The following DACH1 variants were observed in gnomAD, a reference collection of about 807,000 sequenced individuals.
DACH1 encodes the protein dachshund homolog 1.
In DACH1, 12 loss-of-function variants were observed where a neutral mutation model predicts 54.2. The observed-to-expected ratio is 0.22, with a 90% CI of 0.14 to 0.36. The LOEUF (loss-of-function observed/expected upper bound fraction) is 0.36. DACH1 is among the 10% of genes least tolerant of loss of function. DACH1 has a pLI of 1.00. For synonymous variants in DACH1, 386 were observed against 366.2 expected (o/e 1.05, Z -0.62); for missense variants, 805 against 929.8 (o/e 0.87, Z 1.75).
At chr13:71,687,612 A>C (rs1199569112) in intron 1 of DACH1, among the ~76,000 whole-genome samples, 1 of 152,110 alleles carries the variant, frequency 6.6e-6, no homozygotes, top group Non-Finnish European at 1.5e-5. Flanking sequence ...CATAAAAACA[A>C]ATTTTTGTTT....
chr13:71,753,288 C>A (rs1318479052), intron 1 of DACH1, among the ~76,000 whole-genome samples: 1 of 152,084 alleles, frequency 6.6e-6, no homozygotes, highest in East Asian at 1.9e-4. Context: ...AGATCAATAT[C>A]TCGCTGCAAT....
intron 1 of DACH1, among the ~76,000 whole-genome samples, chr13:71,785,168 G>T (rs1039234883): frequency 6.6e-6 from 1 of 152,078 alleles, no homozygotes; most frequent in Non-Finnish European, 1.5e-5. Context: ...AATTCGCCAG[G>T]TTAAACATAT....
At chr13:71,820,208 AG>A (rs1410188272) in intron 1 of DACH1, among the ~76,000 whole-genome samples, 1 of 151,770 alleles carries the variant, frequency 6.6e-6, no homozygotes, top group African/African-American at 2.4e-5. Flanking sequence ...CAGACAGTCC[AG>A]TGCATCTACT....
chr13:71,573,375 T>G (rs1355903022), intron 3 of DACH1: 2 of 710,018 alleles, frequency 2.8e-6, no homozygotes, highest in Non-Finnish European at 5.2e-6. Flanking sequence ...AAATACAATT[T>G]AAAAAAAACT....
At chr13:71,798,327 T>C (rs112505761) in intron 1 of DACH1, among the ~76,000 whole-genome samples, 113 of 29,604 alleles carry the variant, frequency 3.8e-3, no homozygotes, top group African/African-American at 0.012. Context: ...TACATACATA[T>C]ATATATATAT....
intron 6 of DACH1, among the ~76,000 whole-genome samples, chr13:71,493,784 A>G (rs1222921684): frequency 6.6e-6 from 1 of 152,084 alleles, no homozygotes; most frequent in African/African-American, 2.4e-5. Flanking sequence ...CTTCTCACCT[A>G]TTATGATGAA....
At chr13:71,586,906 C>T (rs1322911004) in intron 3 of DACH1, among the ~76,000 whole-genome samples, 1 of 151,974 alleles carries the variant, frequency 6.6e-6, no homozygotes, top group Non-Finnish European at 1.5e-5. Context: ...ATATCACTTA[C>T]TTTAATGATT....
At chr13:71,522,884 T>C (rs1441954457) in intron 6 of DACH1, among the ~76,000 whole-genome samples, 2 of 152,112 alleles carry the variant, frequency 1.3e-5, no homozygotes, top group African/African-American at 4.8e-5. Flanking sequence ...GAAAAGTTAA[T>C]TGTTAAACTT....
At chr13:71,635,967 A>C (rs969543445) in intron 2 of DACH1, among the ~76,000 whole-genome samples, 5 of 152,074 alleles carry the variant, frequency 3.3e-5, no homozygotes, top group African/African-American at 1.2e-4. Flanking sequence ...TATTTTTAGT[A>C]GAGATGGGGT....
In DACH1 at chr13:71,847,206, T is replaced by G. The variant is rs147372794; in HGVS notation, c.848+18716A>C. Among the ~76,000 whole-genome samples the G allele has an allele frequency of 4.6e-5, 7 of 152,308 alleles. No individual in the cohort carries two copies. In the East Asian group the frequency reaches 1.3e-3, roughly 29 times the overall value. ...TTGTAATATACCTAAGAACTAGTGT[T>G]ACATATATTTTCATTTGTTTGTTTT... On this transcript the variant is annotated intron_variant, in intron 1 of 10. Coordinates refer to ENST00000613252, the MANE Select transcript of DACH1 (RefSeq NM_080759.6).
At chr13:71,812,206 A>G (rs1163394809) in intron 1 of DACH1, among the ~76,000 whole-genome samples, 1 of 152,190 alleles carries the variant, frequency 6.6e-6, no homozygotes, top group East Asian at 1.9e-4. Flanking sequence ...ATTTTAATAA[A>G]AAAAGTTTCC....
chr13:71,810,071 T>A (rs1340440086), intron 1 of DACH1, among the ~76,000 whole-genome samples: 4 of 152,174 alleles, frequency 2.6e-5, no homozygotes, highest in Admixed American at 2.6e-4. Context: ...AGAAAGCTGA[T>A]TTTGAAGACC....
intron 1 of DACH1, among the ~76,000 whole-genome samples, chr13:71,722,910 C>T (rs1323566368): frequency 6.6e-6 from 1 of 152,048 alleles, no homozygotes; most frequent in Non-Finnish European, 1.5e-5. Flanking sequence ...CCTCCTCCCT[C>T]AATGCTTAGG....
At chr13:71,807,296 T>C (rs561829698) in intron 1 of DACH1, among the ~76,000 whole-genome samples, 1 of 152,160 alleles carries the variant, frequency 6.6e-6, no homozygotes, top group South Asian at 2.1e-4. Flanking sequence ...AATATATTTA[T>C]AGTTCAGTAC....
chr13:71,493,751 T>C (rs1468784933), intron 6 of DACH1, among the ~76,000 whole-genome samples: 1 of 152,030 alleles, frequency 6.6e-6, no homozygotes, highest in Non-Finnish European at 1.5e-5. Context: ...TTATAAAAAT[T>C]TATAAAAAAT....
intron 3 of DACH1, among the ~76,000 whole-genome samples, chr13:71,602,739 T>G (rs1271346823): frequency 2.6e-5 from 4 of 152,018 alleles, no homozygotes; most frequent in Admixed American, 2.6e-4. Context: ...GGAGAAATTC[T>G]GTCAATAATA....
intron 1 of DACH1, among the ~76,000 whole-genome samples, chr13:71,724,178 G>T (rs1167598040): frequency 6.6e-6 from 1 of 152,040 alleles, no homozygotes; most frequent in African/African-American, 2.4e-5. Context: ...CAAAATAAAG[G>T]AAACAAATAT....
Position 71,489,042 on chromosome 13 carries a change from A to G in DACH1, c.1677T>C (p.Phe559=). 1.2e-6 allele frequency: 2 copies of G among 1,613,870 alleles called. No homozygotes were observed. Among genetic ancestry groups the G allele is most frequent in the South Asian group, 1.1e-5 (1 of 91,070 alleles). Residue 559 remains phenylalanine (F), a synonymous_variant, in exon 7 of 11, where the codon TTT becomes TTC. Coordinates refer to ENST00000613252, the MANE Select transcript of DACH1 (RefSeq NM_080759.6). ...LPPGFPSPFL[F]PDGLSSIETL... ...TCTCGATGGAAGACAGTCCATCAGGAAACAGAAAAGGAGATGGAAAACCTG... is the reference window on the plus strand; with the variant it reads ...TCTCGATGGAAGACAGTCCATCAGGGAACAGAAAAGGAGATGGAAAACCTG...
intron 1 of DACH1, among the ~76,000 whole-genome samples, chr13:71,840,889 G>A (rs1043268934): frequency 2.0e-5 from 3 of 150,728 alleles, no homozygotes; most frequent in Non-Finnish European, 2.9e-5. Flanking sequence ...TTTTCTTTCC[G>A]TCTTACAAAC....
Sources: allele counts gnomAD v4.1 joint callset (sites outside exome capture counted in the v4.1 genomes callset), GRCh38; gene constraint gnomAD v4.1.1; transcripts MANE v1.5; gene names NCBI Gene and HGNC (gene_info 2026-07-23, HGNC 2026-07-21).